PCDHA10: variants seen among roughly 807,000 people sequenced by gnomAD.
PCDHA10 encodes protocadherin alpha-10.
PCDHA10 carries 45 observed loss-of-function variants against 61.2 expected under a neutral mutation model. That is an observed-to-expected ratio of 0.74 (90% CI 0.58 to 0.94). The LOEUF (loss-of-function observed/expected upper bound fraction) is 0.94. Among genes scored for constraint, PCDHA10 ranks in the 40% least tolerant of loss-of-function variants. The pLI is 0.00. For missense variants in PCDHA10, 1,278 were observed against 1,236.2 expected, an observed-to-expected ratio of 1.03 and a Z score of -0.51; for synonymous variants, 602 against 548.8, an observed-to-expected ratio of 1.10 and a Z score of -1.35.
At chr5:140,869,529 T>G (rs2051206211) in intron 1 of PCDHA10, 2 of 1,614,166 alleles carry the variant, frequency 1.2e-6, no homozygotes, top group Non-Finnish European at 1.7e-6. Context: ...AGCTGCTGAT[T>G]GCGGAATCTA....
At chr5:140,986,437 G>A (rs1554248053) in intron 3 of PCDHA10, among the ~76,000 whole-genome samples, 2 of 152,182 alleles carry the variant, frequency 1.3e-5, no homozygotes, top group Admixed American at 6.5e-5. Flanking sequence ...GAGTACTAAT[G>A]CCCTGAAGAG....
chr5:140,973,850 T>G (rs767532771), intron 1 of PCDHA10, among the ~76,000 whole-genome samples: 25 of 152,176 alleles, frequency 1.6e-4, no homozygotes, highest in Admixed American at 5.2e-4. Flanking sequence ...TGCCTACCAA[T>G]TTTTGCTCTC....
rs1485742296 is a variant in PCDHA10, at chr5:140,974,143, T to C, written c.2389-4806T>C. On this transcript the variant is annotated intron_variant, in intron 1 of 3. Transcript: ENST00000307360. ...GTTTTAAATCTGCTAACCTGAAAACTATACAAGGGTTTTTCTTTCAAGAAT... is the reference window on the plus strand; with the variant it reads ...GTTTTAAATCTGCTAACCTGAAAACCATACAAGGGTTTTTCTTTCAAGAAT... 2.0e-5 allele frequency among the ~76,000 whole-genome samples: 3 copies of C among 152,324 alleles called. No homozygotes were observed. The East Asian group carries it at 5.8e-4, about 29-fold the overall frequency.
chr5:140,968,871 C>A lies in PCDHA10; in HGVS notation c.2389-10078C>A, dbSNP rs782670653. 11 of 1,614,218 alleles carry A rather than the reference C, an allele frequency of 6.8e-6. No individual in the cohort carries two copies. In the South Asian group the frequency reaches 1.2e-4, roughly 18 times the overall value. On this transcript the variant is annotated intron_variant, in intron 1 of 3. Coordinates refer to ENST00000307360, the MANE Select transcript of PCDHA10 (RefSeq NM_018901.4). ...CATGTTAAGAGCCCTCGGACATACT[C>A]TGAAATTACCCTTTATCTAATAATA...
chr5:140,996,412 A>G (rs563756317), intron 3 of PCDHA10, among the ~76,000 whole-genome samples: 1 of 152,332 alleles, frequency 6.6e-6, no homozygotes, highest in Admixed American at 6.5e-5. Context: ...TGGGGCAGGC[A>G]GTGTGAAAAC....
At chr5:140,935,564 T>A (rs1554210560) in intron 1 of PCDHA10, among the ~76,000 whole-genome samples, 1 of 152,236 alleles carries the variant, frequency 6.6e-6, no homozygotes, top group Non-Finnish European at 1.5e-5. Context: ...GAAAAGTTCC[T>A]CTCTGTGTAG....
At chr5:140,962,174 C>T (rs1365738124) in intron 1 of PCDHA10, among the ~76,000 whole-genome samples, 1 of 152,100 alleles carries the variant, frequency 6.6e-6, no homozygotes, top group Admixed American at 6.6e-5. Context: ...CACACCCGGC[C>T]ACTTATATCA....
At chr5:140,898,900 C>T (rs1257410263) in intron 1 of PCDHA10, among the ~76,000 whole-genome samples, 2 of 151,396 alleles carry the variant, frequency 1.3e-5, no homozygotes, top group Non-Finnish European at 3.0e-5. Context: ...TGAAGAGGTC[C>T]TTCACGTCCC....
chr5:140,870,554 A>G (rs1554164402), intron 1 of PCDHA10: 1 of 1,614,044 alleles, frequency 6.2e-7, no homozygotes, highest in Non-Finnish European at 8.5e-7. Flanking sequence ...GCGGACGCGC[A>G]GGAGAACGCG....
At chr5:140,920,932 G>A (rs2079937589) in intron 1 of PCDHA10, among the ~76,000 whole-genome samples, 1 of 151,286 alleles carries the variant, frequency 6.6e-6, no homozygotes, top group Admixed American at 6.6e-5. Flanking sequence ...AGGTGATCTA[G>A]CCCTTTCATT....
Position 140,959,365 on chromosome 5 carries a change from C to A in PCDHA10, c.2389-19584C>A, listed in dbSNP as rs77362755. On this transcript the variant is annotated intron_variant, in intron 1 of 3. Transcript: ENST00000307360. ...ACTCCAGCGGGACAACTGAGTGAGA[C>A]CCTGTCTCAAAAAAAAAAGTCACAA... Among the ~76,000 whole-genome samples the A allele has an allele frequency of 1.0e-3, 158 of 151,880 alleles. 5 individuals carry two copies. In the East Asian group the frequency reaches 0.028, roughly 27 times the overall value.
chr5:140,904,926 A>G (rs1459530811), intron 1 of PCDHA10, among the ~76,000 whole-genome samples: 1 of 152,130 alleles, frequency 6.6e-6, no homozygotes, highest in Admixed American at 6.5e-5. Context: ...ACTTCCTTGT[A>G]GGTTCTGGAT....
chr5:140,948,189 G>A (rs1032631604), intron 1 of PCDHA10, among the ~76,000 whole-genome samples: 4 of 151,532 alleles, frequency 2.6e-5, no homozygotes, highest in African/African-American at 9.7e-5. Context: ...ATCCCACTTA[G>A]TCATGATATA....
At chr5:140,868,439 G>A (rs2050456620) in intron 1 of PCDHA10, 2 of 152,256 alleles carry the variant, frequency 1.3e-5, no homozygotes, top group South Asian at 4.2e-4. Flanking sequence ...TAGATCATGT[G>A]GAACATAAAC....
chr5:140,874,485 T>C (rs1235889322), intron 1 of PCDHA10, among the ~76,000 whole-genome samples: 1 of 152,218 alleles, frequency 6.6e-6, no homozygotes, highest in Non-Finnish European at 1.5e-5. Flanking sequence ...AAGCAAAAGG[T>C]TGATATCAAG....
chr5:140,945,800 C>T (rs1411676680), intron 1 of PCDHA10, among the ~76,000 whole-genome samples: 1 of 152,026 alleles, frequency 6.6e-6, no homozygotes, highest in African/African-American at 2.4e-5. Flanking sequence ...TGAAACTAGA[C>T]CCTTATCTCA....
chr5:140,865,091 A>G (rs1010954942), intron 1 of PCDHA10: 3 of 152,218 alleles, frequency 2.0e-5, no homozygotes, highest in Non-Finnish European at 4.4e-5. Context: ...GATATTAATA[A>G]AGGCACTTCC....
intron 3 of PCDHA10, among the ~76,000 whole-genome samples, chr5:140,994,726 G>T (rs774837274): frequency 3.0e-4 from 45 of 151,958 alleles, no homozygotes; most frequent in Non-Finnish European, 3.7e-4. Flanking sequence ...TAAAATACTG[G>T]GTATTGCAGG....
At chr5:140,953,530 C>T (rs923959885) in intron 1 of PCDHA10, among the ~76,000 whole-genome samples, 3 of 152,158 alleles carry the variant, frequency 2.0e-5, no homozygotes, top group Admixed American at 6.5e-5. Context: ...ACGGGAAACT[C>T]ACTTCATGCT....
Sources: gnomAD v4.1 joint callset for allele counts (sites outside exome capture counted in the v4.1 genomes callset) on GRCh38, gnomAD v4.1.1 for gene constraint, MANE v1.5 for transcripts, NCBI Gene and HGNC (gene_info 2026-07-23, HGNC 2026-07-21) for gene names.